Variants in TAFA5 observed in about 807,000 individuals in gnomAD.
The protein encoded by TAFA5 is chemokine-like protein TAFA-5.
Under a neutral mutation model 15.3 loss-of-function variants are expected in TAFA5, and 6 were observed. The observed-to-expected ratio is 0.39, with a 90% CI of 0.21 to 0.77. The LOEUF (loss-of-function observed/expected upper bound fraction) is 0.77, where lower values mean the gene tolerates loss of function less well. TAFA5 is among the 30% of genes least tolerant of loss of function. The probability of loss-of-function intolerance (pLI) is 0.41; values close to 1 mark genes in which losing one functional copy is unlikely to be tolerated. For synonymous variants in TAFA5, 103 were observed against 80.7 expected, an observed-to-expected ratio of 1.28 and a Z score of -1.48; for missense variants, 161 against 193.1, an observed-to-expected ratio of 0.83 and a Z score of 0.98.
chr22:48,740,787 A>T (rs1383326921), intron 3 of TAFA5, among the ~76,000 whole-genome samples: 2 of 152,136 alleles, frequency 1.3e-5, no homozygotes, highest in African/African-American at 4.8e-5. Context: ...GTCTGCAGGC[A>T]CCGTGCTGAG....
At chr22:48,717,815 A>G (rs574041990) in intron 3 of TAFA5, among the ~76,000 whole-genome samples, 54 of 152,332 alleles carry the variant, frequency 3.5e-4, no homozygotes, top group Middle Eastern at 3.4e-3. Flanking sequence ...TGGTCAGGGC[A>G]TAGGCAAGGG....
chr22:48,588,942 G>A (rs1924460154), intron 1 of TAFA5, among the ~76,000 whole-genome samples: 1 of 152,226 alleles, frequency 6.6e-6, no homozygotes, highest in African/African-American at 2.4e-5. Flanking sequence ...CTCAGAGAAG[G>A]TGGATTTTAT....
intron 3 of TAFA5, among the ~76,000 whole-genome samples, chr22:48,720,858 C>A (rs780260633): frequency 2.6e-5 from 4 of 152,178 alleles, no homozygotes; most frequent in Non-Finnish European, 4.4e-5. Context: ...CACGGAATGC[C>A]CTGGAAGGGC....
intron 1 of TAFA5, among the ~76,000 whole-genome samples, chr22:48,594,214 G>A (rs1223035116): frequency 1.3e-5 from 2 of 152,194 alleles, no homozygotes; most frequent in Non-Finnish European, 2.9e-5. Flanking sequence ...CGGCGTTGGG[G>A]TGCAGGCGAG....
At position 48,636,185 on chromosome 22, in the gene TAFA5, T is replaced by C. The variant is rs4925416; in HGVS notation, c.113-10412T>C. On this transcript the variant is annotated intron_variant, in intron 1 of 3. Coordinates refer to ENST00000402357, the MANE Select transcript of TAFA5 (RefSeq NM_001082967.3). ...CGTCAGCTGGCCAGGTCGCTTCAGT[T>C]GATGTTTTCCTGAGATCGTTGACTT... 6.4e-4 allele frequency among the ~76,000 whole-genome samples: 97 copies of C among 152,316 alleles called. 2 individuals carry two copies. In the East Asian group the frequency reaches 0.015, roughly 23 times the overall value.
At chr22:48,662,378 C>G (rs1262119170) in intron 2 of TAFA5, among the ~76,000 whole-genome samples, 1 of 152,168 alleles carries the variant, frequency 6.6e-6, no homozygotes, top group Non-Finnish European at 1.5e-5. Flanking sequence ...ACAAAAATCT[C>G]TCTGCTGCTC....
chr22:48,668,879 G>A (rs965298286), intron 2 of TAFA5, among the ~76,000 whole-genome samples: 1 of 152,204 alleles, frequency 6.6e-6, no homozygotes, highest in African/African-American at 2.4e-5. Context: ...GTCAGCTCTG[G>A]TGGATTAATG....
intron 1 of TAFA5, among the ~76,000 whole-genome samples, chr22:48,631,922 T>C (rs571470216): frequency 6.6e-6 from 1 of 152,272 alleles, no homozygotes; most frequent in East Asian, 1.9e-4. Context: ...CCAGCCCCTG[T>C]AAAATGCAGA....
At chr22:48,740,545 T>C (rs1480117420) in intron 3 of TAFA5, among the ~76,000 whole-genome samples, 4 of 152,234 alleles carry the variant, frequency 2.6e-5, no homozygotes, top group African/African-American at 9.6e-5. Flanking sequence ...TGCCTCGTAC[T>C]GTCTCCTTCC....
At chr22:48,587,271 A>G (rs920279912) in intron 1 of TAFA5, among the ~76,000 whole-genome samples, 7 of 152,000 alleles carry the variant, frequency 4.6e-5, no homozygotes, top group Admixed American at 3.9e-4. Context: ...GGGTCTGCAC[A>G]CCTAGGTTCA....
At chr22:48,666,094 G>A (rs1033696262) in intron 2 of TAFA5, among the ~76,000 whole-genome samples, 2 of 152,196 alleles carry the variant, frequency 1.3e-5, no homozygotes, top group East Asian at 3.9e-4. Flanking sequence ...GCAGAAGAGG[G>A]GCCTGGTGTG....
At chr22:48,515,110 T>G (rs1486767029) in intron 1 of TAFA5, among the ~76,000 whole-genome samples, 4 of 118,046 alleles carry the variant, frequency 3.4e-5, no homozygotes, top group Non-Finnish European at 5.3e-5. Context: ...CAGCAGTGGG[T>G]GAAGAACCTC....
At chr22:48,516,463 A>G (rs892035103) in intron 1 of TAFA5, among the ~76,000 whole-genome samples, 1 of 152,116 alleles carries the variant, frequency 6.6e-6, no homozygotes, top group African/African-American at 2.4e-5. Context: ...CGTCTGTGAC[A>G]TTCGCTGCTG....
At chr22:48,702,658 T>C (rs1569086120) in intron 2 of TAFA5, among the ~76,000 whole-genome samples, 1 of 152,190 alleles carries the variant, frequency 6.6e-6, no homozygotes, top group Admixed American at 6.5e-5. Flanking sequence ...TCACCGTCAC[T>C]CACGCTACCT....
intron 2 of TAFA5, among the ~76,000 whole-genome samples, chr22:48,695,046 G>A (rs1928668095): frequency 6.6e-6 from 1 of 151,996 alleles, no homozygotes; most frequent in East Asian, 1.9e-4. Flanking sequence ...CTTACTGCCT[G>A]TGGGTTCTTC....
chr22:48,709,293 T>C (rs902961745), intron 3 of TAFA5, among the ~76,000 whole-genome samples: 3 of 152,132 alleles, frequency 2.0e-5, no homozygotes, highest in Non-Finnish European at 4.4e-5. Context: ...TTATCTGGCA[T>C]TAAGTGCAGA....
chr22:48,711,263 T>A (rs1032156694), intron 3 of TAFA5, among the ~76,000 whole-genome samples: 2 of 152,042 alleles, frequency 1.3e-5, no homozygotes, highest in African/African-American at 2.4e-5. Flanking sequence ...TCTGCTTTCC[T>A]GGGGGAGAGT....
intron 3 of TAFA5, among the ~76,000 whole-genome samples, chr22:48,746,987 C>G (rs1930347549): frequency 6.6e-6 from 1 of 152,222 alleles, no homozygotes; most frequent in African/African-American, 2.4e-5. Context: ...CGCCCATACC[C>G]TACAGAGTGG....
At chr22:48,658,932 G>A (rs4925425) in intron 2 of TAFA5, among the ~76,000 whole-genome samples, 1 of 151,918 alleles carries the variant, frequency 6.6e-6, no homozygotes, top group Admixed American at 6.5e-5. Context: ...CATGGCCTCA[G>A]ACTGCAGCGT....
Sources: gnomAD v4.1 joint callset for allele counts (sites outside exome capture counted in the v4.1 genomes callset) on GRCh38, gnomAD v4.1.1 for gene constraint, MANE v1.5 for transcripts, NCBI Gene and HGNC (gene_info 2026-07-23, HGNC 2026-07-21) for gene names.